NKAIN4: variants seen among roughly 807,000 people sequenced by gnomAD.
NKAIN4 encodes the protein sodium/potassium-transporting ATPase subunit beta-1-interacting protein 4.
In NKAIN4, 28 loss-of-function variants were observed where a neutral mutation model predicts 28.8. That is an observed-to-expected ratio of 0.97 (90% CI 0.72 to 1.33). NKAIN4 has a LOEUF of 1.33. NKAIN4 is among the 40% of genes most tolerant of loss of function. NKAIN4 has a pLI of 0.00. For missense variants in NKAIN4, 289 were observed against 277.2 expected (o/e 1.04, Z -0.30); for synonymous variants, 122 against 115.6 (o/e 1.06, Z -0.36).
chr20:63,247,961 T>G (rs1051923386), intron 3 of NKAIN4, among the ~76,000 whole-genome samples, 186 bp from the exon 4 acceptor site: 1 of 152,108 alleles, frequency 6.6e-6, no homozygotes, highest in Admixed American at 6.5e-5. Context: ...ACCAAGGCCC[T>G]CCCAGCCGCT....
At chr20:63,254,478 G>T (rs1320077624), upstream of NKAIN4, 3 of 1,298,434 alleles carry the variant, frequency 2.3e-6, no homozygotes, top group South Asian at 2.2e-5. Flanking sequence ...GAGGCCCCCG[G>T]GTGCCCCGCG....
At chr20:63,251,486 C>T (rs139671687) in intron 1 of NKAIN4, among the ~76,000 whole-genome samples, 9,636 of 152,256 alleles carry the variant, frequency 0.063, 394 homozygotes, top group Middle Eastern at 0.13. Context: ...GACACTGAGG[C>T]TACCGCTAGA....
chr20:63,247,567 C>A lies in NKAIN4; in HGVS notation c.471+11G>T, dbSNP rs868788292. 5.8e-6 allele frequency: 9 copies of A among 1,546,536 alleles called. No homozygotes were observed. The highest frequency in any genetic ancestry group is 6.1e-6 in the Non-Finnish European group (7 of 1,144,602). On this transcript the variant is annotated intron_variant, in intron 4 of 6. Transcript: ENST00000370316. ...CCATCCCCACCCGGGGGCCCCCTTC[C>A]CCACGCTCACCGCGATCAGGATCTG...
chr20:63,242,098 T>C (rs1398977503), intron 6 of NKAIN4, among the ~76,000 whole-genome samples: 1 of 152,082 alleles, frequency 6.6e-6, no homozygotes, highest in African/African-American at 2.4e-5. Flanking sequence ...CATGCCAAAG[T>C]CTGGGGTTTG....
intron 1 of NKAIN4, among the ~76,000 whole-genome samples, chr20:63,251,925 T>C (rs2066967255): frequency 6.6e-6 from 1 of 152,154 alleles, no homozygotes; most frequent in South Asian, 2.1e-4. Flanking sequence ...CGAGGAGGGA[T>C]GTCTGCCCTG....
chr20:63,243,983 G>A (rs1388746707), intron 5 of NKAIN4, 41 bp downstream of exon 5: 3 of 1,557,538 alleles, frequency 1.9e-6, no homozygotes, highest in African/African-American at 1.4e-5. Flanking sequence ...CACCTCTGTA[G>A]CCGTCTCCCG....
At chr20:63,254,570 T>G, upstream of NKAIN4, 22 of 576,148 alleles carry the variant, frequency 3.8e-5, no homozygotes, top group Middle Eastern at 5.4e-4. Flanking sequence ...TCCCCCCTCC[T>G]CCCCGCAACC....
At chr20:63,253,822 C>T (rs934176073) in intron 1 of NKAIN4, among the ~76,000 whole-genome samples, 6 of 137,182 alleles carry the variant, frequency 4.4e-5, no homozygotes, top group Non-Finnish European at 6.3e-5. Context: ...CGTAGCTCCA[C>T]GCCGGGCGGA....
rs116015733 is a variant in NKAIN4 at position 63,246,735 on chromosome 20, G to A, written c.471+843C>T. The A allele has an allele frequency of 6.1e-3, 5,874 of 969,772 alleles. 22 individuals carry two copies. Among genetic ancestry groups the A allele is most frequent in the Middle Eastern group, 0.011 (21 of 1,850 alleles). The allele number at this position is 969,772 out of a possible 1,614,324, so 60.1% of individuals were successfully genotyped here. A position where few individuals can be genotyped will look rare whatever the true frequency, so the allele number is the denominator to read the frequency against. On this transcript the variant is annotated intron_variant, in intron 4 of 6. Coordinates refer to ENST00000370316, the MANE Select transcript of NKAIN4 (RefSeq NM_152864.4). ...GCACCAGCCGTGCTGCAGTCACATT[G>A]GCCCTGCCCCCGGAGCTCTTGAGGT...
Position 63,241,293 on chromosome 20 carries a change from C to A in NKAIN4, c.*204G>T. On this transcript the variant is annotated 3_prime_UTR_variant, in exon 7 of 7. Coordinates refer to ENST00000370316, the MANE Select transcript of NKAIN4 (RefSeq NM_152864.4). ...TTTTTTTTTAAGAGAAAGGAAATTA[C>A]AAACTCTCTTGACGCTGCAGCCAGC... 3.7e-6 allele frequency: 2 copies of A among 535,594 alleles called. No homozygotes were observed. Among genetic ancestry groups the A allele is most frequent in the Non-Finnish European group, 6.7e-6 (2 of 299,976 alleles). The allele number at this position is 535,594 out of a possible 1,614,324, so 33.2% of individuals were successfully genotyped here.
At chr20:63,243,845 C>T (rs1022890932) in intron 5 of NKAIN4, 179 bp downstream of exon 5, 1 of 584,986 alleles carries the variant, frequency 1.7e-6, no homozygotes, top group East Asian at 2.9e-5. Context: ...CTCTGCTAAT[C>T]TCTTCCCTGG....
chr20:63,242,476 T>A, intron 6 of NKAIN4, 63 bp downstream of exon 6: 1 of 1,182,700 alleles, frequency 8.5e-7, no homozygotes, highest in Non-Finnish European at 1.3e-6. Flanking sequence ...GAAGGCAGCC[T>A]CTCGCTGTGA....
At chr20:63,250,196 CTTTG>C in intron 1 of NKAIN4, 124 bp from the exon 2 acceptor site, 2 of 1,145,458 alleles carry the variant, frequency 1.7e-6, no homozygotes, top group East Asian at 2.6e-5. Context: ...CCCACCACAC[CTTTG>C]TTTGACGAAG....
chr20:63,247,991 C>CCCGAGATCT, intron 3 of NKAIN4: 2 of 468,208 alleles, frequency 4.3e-6, no homozygotes, highest in Non-Finnish European at 3.4e-6. Context: ...GCCCTCGACC[C>CCCGAGATCT]ACACACCTCC....
Position 63,249,988 on chromosome 20 carries a change from CGAT to C in NKAIN4, c.136_138del (p.Ile46del), listed in dbSNP as rs1568711026. On this transcript the variant is annotated inframe_deletion, in exon 2 of 7. Transcript: ENST00000370316. Reference sequence around the variant, plus strand: ...ATGGTGCCGAAGAGTCCCAGGATGACGATGATGATGTGGACAAAGTTGGCCAGG... The same window carrying C: ...ATGGTGCCGAAGAGTCCCAGGATGACGATGATGTGGACAAAGTTGGCCAGG... 1.9e-6 allele frequency: 3 copies of C among 1,613,208 alleles called. No homozygotes were observed. Among genetic ancestry groups the C allele is most frequent in the Non-Finnish European group, 1.7e-6 (2 of 1,179,868 alleles).
At chr20:63,254,614 G>A, upstream of NKAIN4, 2 of 481,082 alleles carry the variant, frequency 4.2e-6, no homozygotes, top group Non-Finnish European at 6.5e-6. Flanking sequence ...TAACAGCTGC[G>A]CTGCGTCTCC....
rs2066837896 is a variant in NKAIN4 at position 63,245,396 on chromosome 20, G to A, written c.472-1312C>T. ...AGCTGGCCGTGGCGCCGAACAGGCA[G>A]CCGAGCTTGGGGAGCCATTGGAAGA... is the stretch of plus-strand genomic sequence containing the variant. On this transcript the variant is annotated intron_variant, in intron 4 of 6. Transcript: ENST00000370316. This position sits in a 1 kb window ranked among gnomAD's most constrained non-coding sequence, Gnocchi z 4.7. 6.6e-6 allele frequency among the ~76,000 whole-genome samples: 1 copy of A among 152,106 alleles called. No individual in the cohort carries two copies. The highest frequency in any genetic ancestry group is 1.5e-5 in the Non-Finnish European group (1 of 68,014).
intron 1 of NKAIN4, among the ~76,000 whole-genome samples, chr20:63,250,696 G>T (rs546426814): frequency 2.6e-5 from 4 of 152,144 alleles, no homozygotes; most frequent in Admixed American, 1.3e-4. Flanking sequence ...AACCAATGAG[G>T]GGGGGAGGGA....
rs575126401 is a variant in NKAIN4 at position 63,246,183 on chromosome 20, C to G, written c.471+1395G>C. ...GACCTCGTGATCCGCCTGCCTCGGCCTCCCAAAGTGCTGGGATTACAGGTG... is the reference window on the plus strand; with the variant it reads ...GACCTCGTGATCCGCCTGCCTCGGCGTCCCAAAGTGCTGGGATTACAGGTG... On this transcript the variant is annotated intron_variant, in intron 4 of 6. Coordinates refer to ENST00000370316, the MANE Select transcript of NKAIN4 (RefSeq NM_152864.4). Among the ~76,000 whole-genome samples the G allele has an allele frequency of 2.3e-4, 35 of 152,354 alleles. No individual in the cohort carries two copies. The Middle Eastern group carries it at 0.01, about 44-fold the overall frequency.
Sources: allele counts gnomAD v4.1 joint callset (sites outside exome capture counted in the v4.1 genomes callset), GRCh38; gene constraint gnomAD v4.1.1; non-coding constraint Gnocchi (gnomAD v3.1); transcripts MANE v1.5; gene names NCBI Gene and HGNC (gene_info 2026-07-23, HGNC 2026-07-21).